The following MACROD2 variants were observed in gnomAD, a reference collection of about 807,000 sequenced individuals.
MACROD2 encodes the protein mono-ADP ribosylhydrolase 2, also known as ADP-ribose glycohydrolase MACROD2.
A neutral mutation model predicts 70.4 loss-of-function variants in MACROD2; 36 were observed. That is an observed-to-expected ratio of 0.51 (90% CI 0.39 to 0.68). The LOEUF is 0.68. MACROD2 is among the 30% of genes least tolerant of loss of function. The pLI is 0.00. For synonymous variants in MACROD2, 172 were observed against 178.8 expected, an observed-to-expected ratio of 0.96 and a Z score of 0.30; for missense variants, 496 against 538.4, an observed-to-expected ratio of 0.92 and a Z score of 0.78.
intron 3 of MACROD2, among the ~76,000 whole-genome samples, chr20:14,300,005 C>T (rs958003782): frequency 1.3e-5 from 2 of 152,084 alleles, no homozygotes; most frequent in Non-Finnish European, 2.9e-5. Flanking sequence ...ATTTCTGAGT[C>T]ATGCCTTGGA....
At chr20:14,217,567 A>G (rs2081633587) in intron 3 of MACROD2, among the ~76,000 whole-genome samples, 1 of 152,132 alleles carries the variant, frequency 6.6e-6, no homozygotes, top group Non-Finnish European at 1.5e-5. Flanking sequence ...CTTGTGGAAT[A>G]GTTTCAAAAG....
At chr20:15,129,262 A>T (rs568404492) in intron 5 of MACROD2, among the ~76,000 whole-genome samples, 2 of 152,252 alleles carry the variant, frequency 1.3e-5, no homozygotes, top group Non-Finnish European at 2.9e-5. Context: ...TATACTTTTC[A>T]TCCTTAGAAA....
chr20:14,036,902 T>C (rs547619297), intron 2 of MACROD2, among the ~76,000 whole-genome samples: 2 of 152,348 alleles, frequency 1.3e-5, no homozygotes, highest in East Asian at 3.9e-4. Flanking sequence ...CATTGATTAC[T>C]TGCAGTAATT....
intron 5 of MACROD2, among the ~76,000 whole-genome samples, chr20:15,085,858 A>G (rs1568565838): frequency 7.4e-6 from 1 of 135,766 alleles, no homozygotes; most frequent in Admixed American, 8.3e-5. Context: ...AAAGATGAAT[A>G]ACACACACAC....
chr20:14,111,778 A>G (rs2054454020), intron 3 of MACROD2, among the ~76,000 whole-genome samples: 1 of 152,060 alleles, frequency 6.6e-6, no homozygotes, highest in Admixed American at 6.6e-5. Flanking sequence ...AAGCTAGTAC[A>G]ATCACTGTGG....
At chr20:14,867,106 A>G (rs2073436344) in intron 5 of MACROD2, among the ~76,000 whole-genome samples, 1 of 152,088 alleles carries the variant, frequency 6.6e-6, no homozygotes, top group East Asian at 1.9e-4. Flanking sequence ...AGGTGGCCCT[A>G]CTTGATGCTT....
At chr20:14,933,051 C>T (rs968249484) in intron 5 of MACROD2, among the ~76,000 whole-genome samples, 1 of 151,844 alleles carries the variant, frequency 6.6e-6, no homozygotes, top group African/African-American at 2.4e-5. Context: ...GAATAGTCTT[C>T]AGAGAAAAAC....
At chr20:15,131,131 C>A (rs921293857) in intron 5 of MACROD2, among the ~76,000 whole-genome samples, 1 of 152,086 alleles carries the variant, frequency 6.6e-6, no homozygotes, top group African/African-American at 2.4e-5. Context: ...GACCCGTATT[C>A]TAATCATGCA....
intron 5 of MACROD2, among the ~76,000 whole-genome samples, chr20:14,806,790 G>C (rs6042930): frequency 1.4e-4 from 22 of 152,176 alleles, no homozygotes; most frequent in African/African-American, 5.1e-4. Context: ...TTGAGTAGGC[G>C]GTTTTCCCCT....
chr20:15,512,934 G>A (rs1324262327), intron 8 of MACROD2, among the ~76,000 whole-genome samples: 1 of 152,150 alleles, frequency 6.6e-6, no homozygotes, highest in African/African-American at 2.4e-5. Context: ...AAATGACCTG[G>A]GTGGGCTTCA....
At chr20:15,466,880 T>G (rs1244308178) in intron 7 of MACROD2, among the ~76,000 whole-genome samples, 1 of 152,234 alleles carries the variant, frequency 6.6e-6, no homozygotes, top group Non-Finnish European at 1.5e-5. Flanking sequence ...TTGAAATTTT[T>G]TGTTTTACTC....
chr20:15,163,257 T>C (rs148478602), intron 5 of MACROD2, among the ~76,000 whole-genome samples: 5 of 152,052 alleles, frequency 3.3e-5, no homozygotes, highest in African/African-American at 1.2e-4. Flanking sequence ...AAAAGACTAA[T>C]TTCCCTGGTT....
Position 14,089,296 on chromosome 20 carries a change from T to G in MACROD2, c.271+3568T>G, listed in dbSNP as rs139207774. Among the ~76,000 whole-genome samples the G allele has an allele frequency of 2.3e-3, 344 of 152,324 alleles. 3 individuals carry two copies. The highest frequency in any genetic ancestry group is 8.0e-3 in the African/African-American group (334 of 41,564). Reference sequence around the variant, plus strand: ...CTTTCTACTGTGCAGTTTGTTTGCCTGGTGTGGAAGGAGTGGAACAGCTGT... The same window carrying G: ...CTTTCTACTGTGCAGTTTGTTTGCCGGGTGTGGAAGGAGTGGAACAGCTGT... On this transcript the variant is annotated intron_variant, in intron 3 of 17. Transcript: ENST00000684519.
chr20:14,766,284 C>A (rs1432569458), intron 5 of MACROD2, among the ~76,000 whole-genome samples: 1 of 152,024 alleles, frequency 6.6e-6, no homozygotes, highest in Non-Finnish European at 1.5e-5. Context: ...TTTAGAATGG[C>A]ACCCCTAAGT....
intron 4 of MACROD2, among the ~76,000 whole-genome samples, chr20:14,511,994 G>A (rs959779842): frequency 6.6e-6 from 1 of 152,026 alleles, no homozygotes; most frequent in East Asian, 1.9e-4. Context: ...ATTTCAGTTG[G>A]ATTTGAAATG....
At chr20:15,040,881 C>A (rs2075350962) in intron 5 of MACROD2, among the ~76,000 whole-genome samples, 1 of 152,192 alleles carries the variant, frequency 6.6e-6, no homozygotes, top group African/African-American at 2.4e-5. Context: ...AGGTCTTGAT[C>A]TGAACTATGT....
intron 10 of MACROD2, among the ~76,000 whole-genome samples, chr20:15,924,087 T>A (rs547489817): frequency 6.6e-6 from 1 of 152,206 alleles, no homozygotes; most frequent in African/African-American, 2.4e-5. Context: ...GGGAAACCCA[T>A]ATATTGCTTT....
At chr20:14,920,684 G>A (rs2074152135) in intron 5 of MACROD2, among the ~76,000 whole-genome samples, 1 of 152,066 alleles carries the variant, frequency 6.6e-6, no homozygotes, top group African/African-American at 2.4e-5. Flanking sequence ...TCATAGCTAT[G>A]TGCAATAAAG....
intron 4 of MACROD2, among the ~76,000 whole-genome samples, chr20:14,638,593 GT>G (rs1471151539): frequency 6.6e-6 from 1 of 152,088 alleles, no homozygotes; most frequent in African/African-American, 2.4e-5. Context: ...CATTTGCTCA[GT>G]TTCCTCATCT....
Sources: allele counts gnomAD v4.1 joint callset (sites outside exome capture counted in the v4.1 genomes callset), GRCh38; gene constraint gnomAD v4.1.1; transcripts MANE v1.5; gene names NCBI Gene and HGNC (gene_info 2026-07-23, HGNC 2026-07-21).